Variants in DAP3 observed in about 807,000 individuals in gnomAD.
DAP3 encodes death associated protein 3.
A neutral mutation model predicts 51.9 loss-of-function variants in DAP3; 28 were observed. The ratio of observed to expected loss-of-function variants is 0.54; its 90% CI spans 0.40 to 0.74. The LOEUF (loss-of-function observed/expected upper bound fraction) is 0.74. Among genes scored for constraint, DAP3 ranks in the 30% least tolerant of loss-of-function variants. The pLI, the probability that DAP3 is intolerant of heterozygous loss-of-function variation, is 0.00. For synonymous variants in DAP3, 170 were observed against 170.3 expected, an observed-to-expected ratio of 1.00 and a Z score of 0.01; for missense variants, 458 against 483.5, an observed-to-expected ratio of 0.95 and a Z score of 0.49.
At chr1:155,724,632 CAAAAAAAGAA>C (rs1301563368) in intron 4 of DAP3, among the ~76,000 whole-genome samples, 7 of 111,636 alleles carry the variant, frequency 6.3e-5, no homozygotes, top group Non-Finnish European at 8.9e-5. Context: ...GACTCTGTCT[CAAAAAAAGAA>C]AAAAAAAAAA....
In DAP3 at chr1:155,717,030, A is replaced by G. The variant is rs1557781464; in HGVS notation, c.70A>G (p.Met24Val). 1.2e-6 allele frequency: 2 copies of G among 1,613,910 alleles called. No homozygotes were observed. The highest frequency in any genetic ancestry group is 8.5e-7 in the Non-Finnish European group (1 of 1,179,994). Residue 24 changes from methionine to valine, a missense_variant, in exon 3 of 13, where the codon ATG (methionine) becomes GTG (valine). Met to Val is a conservative substitution (Grantham distance 21). Coordinates refer to ENST00000368336, the MANE Select transcript of DAP3 (RefSeq NM_004632.4). ...HKLDPGRFLHMGTQARQSIAA... is the reference protein window; with the variant it reads ...HKLDPGRFLHVGTQARQSIAA... Reference sequence around the variant, plus strand: ...GTTGGACCCTGGGCGTTTTTTACACATGGGGACCCAGGCTCGCCAAAGCAT... The same window carrying G: ...GTTGGACCCTGGGCGTTTTTTACACGTGGGGACCCAGGCTCGCCAAAGCAT...
In DAP3 at chr1:155,725,922, T is replaced by C; in HGVS notation, c.380-5T>C. 1 of 1,613,064 alleles carries C rather than the reference T, an allele frequency of 6.2e-7. No homozygotes were observed. The highest frequency in any genetic ancestry group is 8.5e-7 in the Non-Finnish European group (1 of 1,179,192). On this transcript the variant is annotated splice_polypyrimidine_tract_variant and splice_region_variant and intron_variant, in intron 5 of 12. Transcript: ENST00000368336. ...TCATGTTTTCTTTAACAACATATAC[T>C]TTAGATGGAGAGAAGGGAACAGGAA... is the stretch of plus-strand genomic sequence containing the variant.
chr1:155,727,738 G>T lies in DAP3; in HGVS notation c.603G>T (p.Gln201His). 2 of 1,613,188 alleles carry T rather than the reference G, an allele frequency of 1.2e-6. No individual in the cohort carries two copies. Among genetic ancestry groups the T allele is most frequent in the South Asian group, 1.1e-5 (1 of 90,956 alleles). ...CTACAAATGAGCGCTTCCTGAACCA[G>T]GTGACTAGACTCCCAGAAGTTGAGT... ...FKTTNERFLN[Q>H]IKVQEKYVWN... The change falls in exon 7 of 13, where the codon CAG becomes CAT. Residue 201 changes from glutamine to histidine, a missense_variant and splice_region_variant. Transcript: ENST00000368336.
chr1:155,701,426 A>G (rs1438138826), intron 1 of DAP3, among the ~76,000 whole-genome samples: 6 of 112,046 alleles, frequency 5.4e-5, no homozygotes, highest in African/African-American at 2.4e-4. Context: ...ACTCAGGGTT[A>G]AATGGATTAA....
chr1:155,729,155 G>A (rs758210669), intron 8 of DAP3, 33 bp downstream of exon 8: 68 of 1,613,968 alleles, frequency 4.2e-5, no homozygotes, highest in Non-Finnish European at 5.3e-5. Context: ...TGTAACATGC[G>A]ATAACAAGAG....
At chr1:155,698,068 C>CCGAAAAT (rs1416809542) in intron 1 of DAP3, among the ~76,000 whole-genome samples, 1 of 152,158 alleles carries the variant, frequency 6.6e-6, no homozygotes, top group Non-Finnish European at 1.5e-5. Context: ...CCCTTGTTCC[C>CCGAAAAT]CGAAAATCGT....
At chr1:155,705,252 T>C (rs543854) in intron 1 of DAP3, among the ~76,000 whole-genome samples, 25,034 of 151,678 alleles carry the variant, frequency 0.17, 4,526 homozygotes, top group African/African-American at 0.46. Flanking sequence ...TGCCACTGTA[T>C]TCCAGCTTGG....
chr1:155,709,906 C>A, intron 2 of DAP3, 82 bp downstream of exon 2: 1 of 1,395,836 alleles, frequency 7.2e-7, no homozygotes, highest in Non-Finnish European at 1.0e-6. Flanking sequence ...TTCATTGTAT[C>A]TAGAGTGAAA....
intron 7 of DAP3, among the ~76,000 whole-genome samples, chr1:155,728,245 C>G (rs1017584456): frequency 6.6e-6 from 1 of 152,054 alleles, no homozygotes; most frequent in African/African-American, 2.4e-5. Flanking sequence ...TTATTCAAGG[C>G]TCCAAGCAGA....
intron 9 of DAP3, among the ~76,000 whole-genome samples, chr1:155,730,622 A>C (rs1244388711): frequency 6.6e-6 from 1 of 152,206 alleles, no homozygotes; most frequent in Non-Finnish European, 1.5e-5. Context: ...TCTCAAAAAA[A>C]TAAAAAAAAA....
At chr1:155,691,794 T>C (rs1653848674) in intron 1 of DAP3, among the ~76,000 whole-genome samples, 1 of 141,872 alleles carries the variant, frequency 7.0e-6, no homozygotes, top group Admixed American at 6.6e-5. Context: ...GTGTGAAGTG[T>C]ATCTCATTGT....
chr1:155,739,004 T>TA lies in DAP3; in HGVS notation c.*764dup, dbSNP rs1325359631. ...ATAAATAAATAAATAAATAAATAAA[T>TA]AATAAATGTATACTGTACTGTTTTA... On this transcript the variant is annotated 3_prime_UTR_variant, in exon 13 of 13. Coordinates refer to ENST00000368336, the MANE Select transcript of DAP3 (RefSeq NM_004632.4). The TA allele has an allele frequency of 3.3e-5, 5 of 149,706 alleles. No homozygotes were observed. Among genetic ancestry groups the TA allele is most frequent in the South Asian group, 2.1e-4 (1 of 4,730 alleles). 9.3% of individuals were successfully genotyped at this position (149,706 alleles called of 1,614,324 possible). A position where few individuals can be genotyped will look rare whatever the true frequency, so the allele number is the denominator to read the frequency against.
At chr1:155,711,067 G>T (rs901491614) in intron 2 of DAP3, among the ~76,000 whole-genome samples, 18 of 151,972 alleles carry the variant, frequency 1.2e-4, no homozygotes, top group Admixed American at 2.0e-4. Context: ...GGCTCCCCCT[G>T]CATGTGCCCC....
rs1224997587 is a variant in DAP3 at position 155,721,605 on chromosome 1, G to A, written c.257G>A (p.Arg86His). The change falls in exon 4 of 13, where the codon CGC becomes CAC. Residue 86 changes from arginine to histidine, a missense_variant. By Grantham distance (29) the Arg-to-His change is conservative. Coordinates refer to ENST00000368336, the MANE Select transcript of DAP3 (RefSeq NM_004632.4). ...ETVFPHGLPP[R>H]FVMQVKTFSE... ...GTATTTCCCCATGGCCTTCCTCCTCGCTTTGTGATGCAGGTGCTCAAGACA... is the reference window on the plus strand; with the variant it reads ...GTATTTCCCCATGGCCTTCCTCCTCACTTTGTGATGCAGGTGCTCAAGACA... The A allele has an allele frequency of 1.9e-6, 3 of 1,613,776 alleles. No individual in the cohort carries two copies. The South Asian group carries it at 3.3e-5, about 18-fold the overall frequency.
At chr1:155,689,411 T>G (rs1345307814) in intron 1 of DAP3, 3 of 475,964 alleles carry the variant, frequency 6.3e-6, no homozygotes, top group African/African-American at 2.0e-5. Flanking sequence ...TGCGATGATG[T>G]TTGTTTGCCC....
intron 2 of DAP3, among the ~76,000 whole-genome samples, chr1:155,714,510 A>G (rs1034378028): frequency 2.0e-5 from 3 of 152,220 alleles, no homozygotes; most frequent in Non-Finnish European, 4.4e-5. Context: ...CACACCCATA[A>G]TCCCAGCACT....
chr1:155,732,480 C>T lies in DAP3; in HGVS notation c.993+447C>T, dbSNP rs1003679119. Among the ~76,000 whole-genome samples the T allele has an allele frequency of 1.6e-4, 25 of 152,240 alleles. No homozygotes were observed. In the Middle Eastern group the frequency reaches 0.01, roughly 63 times the overall value. On this transcript the variant is annotated intron_variant, in intron 11 of 12. Coordinates refer to ENST00000368336, the MANE Select transcript of DAP3 (RefSeq NM_004632.4). ...TCCTGACCTCAAGTGATCCGCCTAC[C>T]TCAGCCTCCCAAAGTGCTAGGATTA... is the stretch of plus-strand genomic sequence containing the variant.
intron 2 of DAP3, among the ~76,000 whole-genome samples, chr1:155,715,461 A>C (rs573942125): frequency 6.7e-6 from 1 of 150,026 alleles, no homozygotes; most frequent in Non-Finnish European, 1.5e-5. Flanking sequence ...GTTTGAGACT[A>C]CAGTGTGCCG....
At chr1:155,691,764 G>T (rs539825632) in intron 1 of DAP3, among the ~76,000 whole-genome samples, 6 of 141,766 alleles carry the variant, frequency 4.2e-5, no homozygotes, top group Non-Finnish European at 8.8e-5. Flanking sequence ...CAGTTCTTTT[G>T]AATTTCATCA....
Sources: allele counts gnomAD v4.1 joint callset (sites outside exome capture counted in the v4.1 genomes callset), GRCh38; gene constraint gnomAD v4.1.1; transcripts MANE v1.5; gene names NCBI Gene and HGNC (gene_info 2026-07-23, HGNC 2026-07-21).